Variants in SNX29 observed in about 807,000 individuals in gnomAD.
SNX29 encodes the protein sorting nexin-29.
SNX29 carries 78 observed loss-of-function variants against 102.1 expected under a neutral mutation model. The observed-to-expected ratio is 0.76, with a 90% confidence interval of 0.64 to 0.92. The LOEUF is 0.92. Among genes scored for constraint, SNX29 ranks in the 40% least tolerant of loss-of-function variants. The pLI is 0.00. For missense variants in SNX29, 1,280 were observed against 1,061.7 expected, an observed-to-expected ratio of 1.21 and a Z score of -2.86; for synonymous variants, 580 against 414.5, an observed-to-expected ratio of 1.40 and a Z score of -4.85.
intron 15 of SNX29, among the ~76,000 whole-genome samples, chr16:12,332,628 G>A (rs1237971870): frequency 1.3e-5 from 2 of 152,104 alleles, no homozygotes; most frequent in African/African-American, 4.8e-5. Flanking sequence ...TGCTTTTGAC[G>A]CTCAAGAACC....
chr16:12,215,551 G>A (rs537385094), intron 14 of SNX29, among the ~76,000 whole-genome samples: 19 of 152,148 alleles, frequency 1.2e-4, no homozygotes, highest in Non-Finnish European at 2.1e-4. Context: ...AGGAACCTGG[G>A]CTCCAGAGGG....
At chr16:12,325,867 T>A (rs1482508800) in intron 15 of SNX29, among the ~76,000 whole-genome samples, 1 of 151,894 alleles carries the variant, frequency 6.6e-6, no homozygotes, top group Non-Finnish European at 1.5e-5. Flanking sequence ...TCTCTAAAAA[T>A]TTTTTAAAGC....
At chr16:12,555,347 T>C (rs1455732806) in intron 20 of SNX29, among the ~76,000 whole-genome samples, 1 of 151,802 alleles carries the variant, frequency 6.6e-6, no homozygotes, top group Non-Finnish European at 1.5e-5. Context: ...GAGAAACATG[T>C]TGGTTAACTT....
intron 13 of SNX29, among the ~76,000 whole-genome samples, chr16:12,171,457 C>A (rs1206755444): frequency 6.6e-6 from 1 of 152,146 alleles, no homozygotes; most frequent in African/African-American, 2.4e-5. Context: ...AAGATTCTCA[C>A]GTTTTGAGCC....
chr16:12,414,257 A>G (rs969908581), intron 18 of SNX29, among the ~76,000 whole-genome samples: 1 of 152,194 alleles, frequency 6.6e-6, no homozygotes, highest in East Asian at 1.9e-4. Context: ...GCCTGTAAAC[A>G]CAGCTACTCA....
intron 19 of SNX29, chr16:12,515,598 C>T (rs779728938): frequency 6.1e-6 from 3 of 489,136 alleles, no homozygotes; most frequent in Non-Finnish European, 1.2e-5. Flanking sequence ...TTCAGGTGAC[C>T]TCCGAAGTCA....
intron 20 of SNX29, among the ~76,000 whole-genome samples, chr16:12,556,869 T>C (rs1341728531): frequency 1.3e-5 from 2 of 152,076 alleles, no homozygotes; most frequent in Non-Finnish European, 2.9e-5. Context: ...TTTTTTTTTT[T>C]TGAGATAGGG....
chr16:12,562,611 T>C (rs548820821), intron 20 of SNX29, among the ~76,000 whole-genome samples: 68 of 152,306 alleles, frequency 4.5e-4, no homozygotes, highest in African/African-American at 1.6e-3. Context: ...CGCTGGCTCT[T>C]GAGAGCTACA....
intron 3 of SNX29, 152 bp downstream of exon 3, chr16:12,003,195 C>T: frequency 1.1e-6 from 1 of 895,574 alleles, no homozygotes; most frequent in South Asian, 1.5e-5. Context: ...AGGTGCAGCG[C>T]TGAAATTTGA....
chr16:12,249,565 A>C (rs1241914429), intron 14 of SNX29, among the ~76,000 whole-genome samples: 2 of 152,214 alleles, frequency 1.3e-5, no homozygotes, highest in Non-Finnish European at 2.9e-5. Flanking sequence ...CCATAGGTAG[A>C]TGAAAGGACA....
At chr16:12,365,892 A>G (rs1460698121) in intron 16 of SNX29, among the ~76,000 whole-genome samples, 1 of 151,386 alleles carries the variant, frequency 6.6e-6, no homozygotes, top group African/African-American at 2.4e-5. Context: ...AATACAAAAA[A>G]TTAGCCATGC....
intron 13 of SNX29, among the ~76,000 whole-genome samples, chr16:12,173,265 A>G (rs1202336918): frequency 1.3e-5 from 2 of 152,184 alleles, no homozygotes; most frequent in East Asian, 3.8e-4. Flanking sequence ...CCAGGCTTGC[A>G]GAGAGTTACA....
At chr16:12,345,457 C>T (rs777705655) in intron 15 of SNX29, among the ~76,000 whole-genome samples, 1 of 152,180 alleles carries the variant, frequency 6.6e-6, no homozygotes. Flanking sequence ...CCAGTGGGAG[C>T]TCTATCTAGC....
intron 20 of SNX29, among the ~76,000 whole-genome samples, chr16:12,555,613 G>T (rs749123701): frequency 6.6e-6 from 1 of 151,664 alleles, no homozygotes; most frequent in East Asian, 2.0e-4. Context: ...CCTTAGTCCA[G>T]TGTGCATGCC....
intron 15 of SNX29, among the ~76,000 whole-genome samples, chr16:12,311,917 G>A (rs1245801008): frequency 6.6e-6 from 1 of 152,202 alleles, no homozygotes; most frequent in African/African-American, 2.4e-5. Context: ...TGAAGTGGTA[G>A]GTGTGGGGTG....
intron 19 of SNX29, among the ~76,000 whole-genome samples, chr16:12,517,322 G>A (rs889809846): frequency 6.6e-6 from 1 of 152,160 alleles, no homozygotes; most frequent in Non-Finnish European, 1.5e-5. Flanking sequence ...TTCCTCAGGG[G>A]GTCAGGGCCC....
chr16:12,422,405 A>G (rs1225498881), intron 18 of SNX29, among the ~76,000 whole-genome samples: 1 of 152,218 alleles, frequency 6.6e-6, no homozygotes, highest in Non-Finnish European at 1.5e-5. Context: ...TAATTAATGC[A>G]AAATTAGGCG....
chr16:12,314,086 G>C (rs544112463), intron 15 of SNX29, among the ~76,000 whole-genome samples: 40 of 152,314 alleles, frequency 2.6e-4, no homozygotes, highest in Non-Finnish European at 4.7e-4. Context: ...GTTGGGCTCA[G>C]GTGATCCTCC....
At chr16:12,516,521 A>G (rs2089874286) in intron 19 of SNX29, among the ~76,000 whole-genome samples, 1 of 150,288 alleles carries the variant, frequency 6.7e-6, no homozygotes, top group Non-Finnish European at 1.5e-5. Context: ...GGAATCTCAT[A>G]GCCAGGAGGC....
Sources: allele counts gnomAD v4.1 joint callset (sites outside exome capture counted in the v4.1 genomes callset), GRCh38; gene constraint gnomAD v4.1.1; transcripts MANE v1.5; gene names NCBI Gene and HGNC (gene_info 2026-07-23, HGNC 2026-07-21).